Variants in ANKS1A observed in about 807,000 individuals in gnomAD.
The protein encoded by ANKS1A is ankyrin repeat and sterile alpha motif domain containing 1A, also known as ankyrin repeat and SAM domain-containing protein 1A.
Under a neutral mutation model 120.3 loss-of-function variants are expected in ANKS1A, and 55 were observed. The observed-to-expected ratio is 0.46, with a 90% confidence interval of 0.37 to 0.57. The LOEUF (loss-of-function observed/expected upper bound fraction) is 0.57, where lower values mean the gene tolerates loss of function less well. Among genes scored for constraint, ANKS1A ranks in the 20% least tolerant of loss-of-function variants. The pLI, the probability that ANKS1A is intolerant of heterozygous loss-of-function variation, is 0.00. For missense variants in ANKS1A, 1,123 were observed against 1,480.3 expected (o/e 0.76, Z 3.96); for synonymous variants, 590 against 604.7 (o/e 0.98, Z 0.36).
chr6:34,891,885 C>T (rs550639542), intron 1 of ANKS1A, among the ~76,000 whole-genome samples: 4 of 152,328 alleles, frequency 2.6e-5, no homozygotes, highest in African/African-American at 9.6e-5. Context: ...CCTCGGCCTC[C>T]CAAAGTGCTG....
In ANKS1A at chr6:35,085,411, T is replaced by G. The variant is rs576946269; in HGVS notation, c.3133-355T>G. 1.2e-4 allele frequency among the ~76,000 whole-genome samples: 18 copies of G among 152,294 alleles called. No individual in the cohort carries two copies. The East Asian group carries it at 3.5e-3, about 29-fold the overall frequency. ...AGTTAGGGGCACAGCACTCACAGAC[T>G]TTGTCGGTGACACATTAAAAATAAA... On this transcript the variant is annotated intron_variant, in intron 21 of 23. Coordinates refer to ENST00000360359, the MANE Select transcript of ANKS1A (RefSeq NM_015245.3). The surrounding 1 kb of genome is among the most constrained non-coding windows in gnomAD (Gnocchi z 4.7).
intron 18 of ANKS1A, 57 bp from the exon 19 acceptor site, chr6:35,083,098 T>C: frequency 1.9e-6 from 3 of 1,600,668 alleles, no homozygotes; most frequent in Non-Finnish European, 2.6e-6. Context: ...ATTGGTTGGG[T>C]CACCCCTGCA....
rs572002874 is a variant in ANKS1A, at chr6:35,057,139, G to A, written c.2077+2974G>A. ...GCAGAGGCGCCCGCACCCCCCAGCC[G>A]AAGGGCACGACCACAGCATTGGAGT... On this transcript the variant is annotated intron_variant, in intron 12 of 23. Coordinates refer to ENST00000360359, the MANE Select transcript of ANKS1A (RefSeq NM_015245.3). The surrounding 1 kb of genome is among the most constrained non-coding windows in gnomAD (Gnocchi z 4.1). Among the ~76,000 whole-genome samples the A allele has an allele frequency of 6.8e-4, 103 of 152,148 alleles. No individual in the cohort carries two copies. Among genetic ancestry groups the A allele is most frequent in the African/African-American group, 2.4e-3 (98 of 41,540 alleles).
At chr6:35,040,920 G>T (rs965608630) in intron 11 of ANKS1A, among the ~76,000 whole-genome samples, 7 of 152,088 alleles carry the variant, frequency 4.6e-5, no homozygotes, top group African/African-American at 1.4e-4. Context: ...CTCTTCCCTC[G>T]TATCCCAGAA....
intron 11 of ANKS1A, among the ~76,000 whole-genome samples, chr6:35,020,431 G>A (rs1352975422): frequency 1.3e-5 from 2 of 152,160 alleles, no homozygotes; most frequent in African/African-American, 2.4e-5. Context: ...TCCAAATGGT[G>A]TTCTGGAACC....
intron 11 of ANKS1A, 55 bp downstream of exon 11, chr6:35,018,114 AC>A (rs2127558940): frequency 6.4e-7 from 1 of 1,554,304 alleles, no homozygotes; most frequent in African/African-American, 1.4e-5. Flanking sequence ...GCCGCAGCCC[AC>A]CACAGCTCCC....
chr6:34,989,349 A>G (rs1439568991), intron 9 of ANKS1A, 33 bp downstream of exon 9: 1 of 1,595,710 alleles, frequency 6.3e-7, no homozygotes, highest in Admixed American at 1.7e-5. Context: ...CCCATTGCTG[A>G]AATTTGAGTT....
intron 1 of ANKS1A, among the ~76,000 whole-genome samples, chr6:34,938,841 T>G (rs1389808371): frequency 6.6e-6 from 1 of 151,284 alleles, no homozygotes; most frequent in African/African-American, 2.4e-5. Context: ...TACAAAAATT[T>G]GCCGGGCGTG....
chr6:35,036,539 C>G (rs1182188407), intron 11 of ANKS1A, among the ~76,000 whole-genome samples: 1 of 152,214 alleles, frequency 6.6e-6, no homozygotes, highest in Non-Finnish European at 1.5e-5. Context: ...TTGATACCCA[C>G]TTGTTGAATA....
At chr6:35,006,012 C>T (rs1012399135) in intron 10 of ANKS1A, among the ~76,000 whole-genome samples, 3 of 152,034 alleles carry the variant, frequency 2.0e-5, no homozygotes, top group African/African-American at 7.2e-5. Context: ...CATGGTGAAA[C>T]CCTGTCTCTA....
At chr6:34,902,667 A>G (rs147172335) in intron 1 of ANKS1A, among the ~76,000 whole-genome samples, 2,013 of 149,530 alleles carry the variant, frequency 0.013, 18 homozygotes, top group African/African-American at 0.02. Context: ...TTTCCAGGCC[A>G]GGTGCGGTGG....
In ANKS1A at chr6:34,895,780, C is replaced by CTTTTTT. The variant is rs995285475; in HGVS notation, c.197+6201_197+6206dup. On this transcript the variant is annotated intron_variant, in intron 1 of 23. Coordinates refer to ENST00000360359, the MANE Select transcript of ANKS1A (RefSeq NM_015245.3). ...AAAATAGTTTTTCAAGAATGTCTTT[C>CTTTTTT]TTTTTTTTTTTTTTTTTTTTTTTTT... Among the ~76,000 whole-genome samples the CTTTTTT allele has an allele frequency of 4.2e-3, 383 of 90,374 alleles. 13 individuals carry two copies. The highest frequency in any genetic ancestry group is 8.4e-3 in the African/African-American group (185 of 21,934). The allele number at this position is 90,374 out of a possible 152,430, so 59.3% of individuals were successfully genotyped here. A position where few individuals can be genotyped will look rare whatever the true frequency, so the allele number is the denominator to read the frequency against.
intron 2 of ANKS1A, among the ~76,000 whole-genome samples, chr6:34,969,443 C>T (rs955949059): frequency 7.9e-5 from 12 of 152,062 alleles, no homozygotes; most frequent in African/African-American, 2.9e-4. Flanking sequence ...TTAGCAGAGA[C>T]GGGCTTTCGC....
chr6:35,030,907 C>T (rs917494205), intron 11 of ANKS1A, among the ~76,000 whole-genome samples: 1 of 152,226 alleles, frequency 6.6e-6, no homozygotes, highest in African/African-American at 2.4e-5. Context: ...TGAACATCCT[C>T]TTGAAATCGT....
chr6:34,911,944 G>A (rs1183007954), intron 1 of ANKS1A, among the ~76,000 whole-genome samples: 2 of 151,998 alleles, frequency 1.3e-5, no homozygotes, highest in Non-Finnish European at 2.9e-5. Flanking sequence ...AAGAGTTTCC[G>A]CCATTCTAGT....
intron 1 of ANKS1A, among the ~76,000 whole-genome samples, chr6:34,930,948 C>G (rs1484128346): frequency 6.6e-6 from 1 of 150,860 alleles, no homozygotes; most frequent in Non-Finnish European, 1.5e-5. Context: ...AAGATCTCAG[C>G]TCACTACAAC....
intron 11 of ANKS1A, among the ~76,000 whole-genome samples, chr6:35,051,813 G>T (rs576982016): frequency 1.3e-5 from 2 of 152,334 alleles, no homozygotes; most frequent in South Asian, 4.1e-4. Context: ...AAAAATAAGT[G>T]TAAGTAAAAA....
At position 35,050,309 on chromosome 6, in the gene ANKS1A, A is replaced by G. The variant is rs1388932961; in HGVS notation, c.2011-3790A>G. 2.0e-5 allele frequency among the ~76,000 whole-genome samples: 3 copies of G among 152,190 alleles called. No individual in the cohort carries two copies. The highest frequency in any genetic ancestry group is 7.2e-5 in the African/African-American group (3 of 41,446). ...TGATAACTTTCAAGTCCTTATATTA[A>G]CAAACACGAGTATAAGTTTTCAGTC... On this transcript the variant is annotated intron_variant, in intron 11 of 23. Coordinates refer to ENST00000360359, the MANE Select transcript of ANKS1A (RefSeq NM_015245.3). This position sits in a 1 kb window ranked among gnomAD's most constrained non-coding sequence, Gnocchi z 4.3.
At chr6:35,047,304 C>T (rs77795894) in intron 11 of ANKS1A, among the ~76,000 whole-genome samples, 8,536 of 152,202 alleles carry the variant, frequency 0.056, 447 homozygotes, top group African/African-American at 0.15. Flanking sequence ...GAGCTAAGAC[C>T]CCTTTCCCTG....
Sources: gnomAD v4.1 joint callset for allele counts (sites outside exome capture counted in the v4.1 genomes callset) on GRCh38, gnomAD v4.1.1 for gene constraint, Gnocchi (gnomAD v3.1) non-coding constraint, MANE v1.5 for transcripts, NCBI Gene and HGNC (gene_info 2026-07-23, HGNC 2026-07-21) for gene names.